Variants in CTBP2 observed in about 807,000 individuals in gnomAD.
CTBP2 encodes the protein C-terminal-binding protein 2.
Under a neutral mutation model 80.3 loss-of-function variants are expected in CTBP2, and 30 were observed. That is an observed-to-expected ratio of 0.37 (90% CI 0.28 to 0.51). The LOEUF is 0.51. CTBP2 is among the 20% of genes least tolerant of loss of function. The pLI is 0.93. For synonymous variants in CTBP2, 594 were observed against 587.4 expected (o/e 1.01, Z -0.16); for missense variants, 1,212 against 1,375.3 (o/e 0.88, Z 1.88).
In CTBP2 at chr10:124,993,195, G is replaced by A; in HGVS notation, c.2659+7C>T. ...CCTTGGCAGGCCAGAGGCACGGAGG[G>A]GCTCACCTGTGATGGCTCGGCGGAT... On this transcript the variant is annotated splice_region_variant and intron_variant, in intron 7 of 8. Coordinates refer to ENST00000309035, the MANE Select transcript of CTBP2 (RefSeq NM_022802.3). 1 of 1,592,066 alleles carries A rather than the reference G, an allele frequency of 6.3e-7. No homozygotes were observed. Among genetic ancestry groups the A allele is most frequent in the Non-Finnish European group, 8.6e-7 (1 of 1,163,426 alleles).
chr10:125,112,930 C>T lies in CTBP2; in HGVS notation c.-205-1837G>A, dbSNP rs189570503. On this transcript the variant is annotated intron_variant, in intron 1 of 10. Transcript: ENST00000337195. ...GGTTTCCATTCAAAAGAAAACCATG[C>T]TCCCTGCTGTTTCCACTGAATTCAA... Among the ~76,000 whole-genome samples the T allele has an allele frequency of 4.7e-3, 720 of 152,334 alleles. 10 individuals are homozygous for T. The highest frequency in any genetic ancestry group is 0.016 in the African/African-American group (684 of 41,562).
intron 2 of CTBP2, among the ~76,000 whole-genome samples, chr10:125,040,454 T>TAAA (rs747855375): frequency 0.095 from 9,867 of 104,080 alleles, 597 homozygotes; most frequent in South Asian, 0.16. Context: ...ACTCTGTCTT[T>TAAA]AAAAAAAAAA....
At chr10:125,087,106 G>A (rs911518854) in intron 2 of CTBP2, among the ~76,000 whole-genome samples, 8 of 144,722 alleles carry the variant, frequency 5.5e-5, no homozygotes, top group Non-Finnish European at 9.0e-5. Flanking sequence ...ACAGAGTCTC[G>A]TTCTGTCACC....
intron 2 of CTBP2, among the ~76,000 whole-genome samples, chr10:125,098,670 G>GAGAGAGAGAAAGAGAGAC (rs1849988897): frequency 1.0e-5 from 1 of 98,298 alleles, no homozygotes; most frequent in African/African-American, 4.6e-5. Context: ...GAGAGAGAGA[G>GAGAGAGAGAAAGAGAGAC]AGAGAGAGAG....
intron 2 of CTBP2, among the ~76,000 whole-genome samples, chr10:125,071,910 C>A (rs1845543271): frequency 6.6e-6 from 1 of 152,004 alleles, no homozygotes; most frequent in African/African-American, 2.4e-5. Flanking sequence ...GGGGAATGGG[C>A]CGGAACAGTC....
At chr10:125,057,325 G>C (rs959052860) in intron 2 of CTBP2, among the ~76,000 whole-genome samples, 1 of 152,182 alleles carries the variant, frequency 6.6e-6, no homozygotes, top group Non-Finnish European at 1.5e-5. Context: ...AGCACTCCTC[G>C]AAAGAGAGAC....
intron 1 of CTBP2, among the ~76,000 whole-genome samples, chr10:125,159,255 T>G (rs1565075817): frequency 1.3e-5 from 2 of 149,230 alleles, no homozygotes; most frequent in South Asian, 4.2e-4. Flanking sequence ...CAGCCCCTCC[T>G]GCTAAACTTT....
At chr10:125,108,303 C>CT (rs1302952027) in intron 2 of CTBP2, among the ~76,000 whole-genome samples, 1 of 152,174 alleles carries the variant, frequency 6.6e-6, no homozygotes, top group East Asian at 1.9e-4. Context: ...GAATGGGATG[C>CT]TTTTAAAATT....
intron 2 of CTBP2, among the ~76,000 whole-genome samples, chr10:125,106,276 C>G (rs1851443225): frequency 6.6e-6 from 1 of 152,166 alleles, no homozygotes; most frequent in Admixed American, 6.5e-5. Flanking sequence ...GGTACCATGA[C>G]AAACCTGAGA....
At chr10:125,080,286 TA>T (rs199925911) in intron 2 of CTBP2, among the ~76,000 whole-genome samples, 7 of 147,350 alleles carry the variant, frequency 4.8e-5, no homozygotes, top group African/African-American at 1.0e-4. Context: ...GGATTAGGGG[TA>T]AAAAAAAAAC....
At chr10:125,032,965 C>T (rs1958415248), upstream of CTBP2, 1 of 154,112 alleles carries the variant, frequency 6.5e-6, no homozygotes, top group South Asian at 2.0e-4. Flanking sequence ...AGACCTGCTC[C>T]ACCTGAGCCT....
rs145531896 is a variant in CTBP2 at position 125,140,442 on chromosome 10, G to A, written c.-206+19877C>T. The stretch of plus-strand genomic sequence containing the variant: ...GCTCCGAAAGGACATTTCGGGCAAC[G>A]ACCAGAAAATTAGCAAATGCAGTGA... On this transcript the variant is annotated intron_variant, in intron 1 of 10. Transcript: ENST00000337195. 5.9e-5 allele frequency among the ~76,000 whole-genome samples: 9 copies of A among 152,240 alleles called. No homozygotes were observed. The South Asian group carries it at 1.2e-3, about 21-fold the overall frequency.
intron 2 of CTBP2, among the ~76,000 whole-genome samples, chr10:125,094,555 G>A (rs537374248): frequency 1.3e-4 from 20 of 152,302 alleles, no homozygotes; most frequent in Admixed American, 1.3e-3. Context: ...GTGTGACAAG[G>A]GCCATGGAAT....
At chr10:125,080,928 C>T (rs1027960396) in intron 2 of CTBP2, among the ~76,000 whole-genome samples, 2 of 148,626 alleles carry the variant, frequency 1.3e-5, no homozygotes, top group Non-Finnish European at 3.0e-5. Context: ...TGGTATGTTA[C>T]GATGCACAAA....
chr10:125,104,449 C>T (rs532440428), intron 2 of CTBP2, among the ~76,000 whole-genome samples: 13 of 152,160 alleles, frequency 8.5e-5, no homozygotes, highest in Non-Finnish European at 1.6e-4. Flanking sequence ...CAGTATACTG[C>T]TGAGAAATTG....
At chr10:125,094,727 C>T (rs768360250) in intron 2 of CTBP2, among the ~76,000 whole-genome samples, 3 of 152,010 alleles carry the variant, frequency 2.0e-5, no homozygotes, top group African/African-American at 7.2e-5. Flanking sequence ...GACAGCCCCC[C>T]ACAATGAAGA....
rs61400691 is a variant in CTBP2, at chr10:124,992,209, CTTT to C, written c.2777+483_2777+485del. Among the ~76,000 whole-genome samples the C allele has an allele frequency of 7.3e-3, 746 of 102,502 alleles. 3 individuals carry two copies. Among genetic ancestry groups the C allele is most frequent in the African/African-American group, 0.022 (619 of 27,744 alleles). The allele number at this position is 102,502 out of a possible 152,430, so 67.2% of individuals were successfully genotyped here. A position where few individuals can be genotyped will look rare whatever the true frequency, so the allele number is the denominator to read the frequency against. On this transcript the variant is annotated intron_variant, in intron 8 of 8. Transcript: ENST00000309035. ...CGTATACCTTTCTCTTTGAGAAGCC[CTTT>C]TTTTTTTTTTTTTTTTGGTGGTGGG...
chr10:124,993,064 CAG>C, intron 7 of CTBP2, 136 bp downstream of exon 9: 1 of 1,111,750 alleles, frequency 9.0e-7, no homozygotes. Context: ...CGTAAATAAA[CAG>C]GGCCCAACTC....
At chr10:125,107,926 G>C (rs1409645762) in intron 2 of CTBP2, among the ~76,000 whole-genome samples, 1 of 152,190 alleles carries the variant, frequency 6.6e-6, no homozygotes, top group Admixed American at 6.5e-5. Context: ...CCTCATTTAT[G>C]AGCATTTAAC....
Sources: gnomAD v4.1 joint callset for allele counts (sites outside exome capture counted in the v4.1 genomes callset) on GRCh38, gnomAD v4.1.1 for gene constraint, MANE v1.5 for transcripts, NCBI Gene and HGNC (gene_info 2026-07-23, HGNC 2026-07-21) for gene names.